Variants in LBHD1 observed in about 807,000 individuals in gnomAD.
The protein encoded by LBHD1 is LBH domain-containing protein 1.
LBHD1 carries 28 observed loss-of-function variants against 31.1 expected under a neutral mutation model. The ratio of observed to expected loss-of-function variants is 0.90; its 90% CI spans 0.67 to 1.24. LBHD1 has a LOEUF of 1.24. Ranked by LOEUF, LBHD1 falls within the 50% of genes most tolerant of loss-of-function variation. The pLI is 0.00. For missense variants in LBHD1, 350 were observed against 323.0 expected (o/e 1.08, Z -0.64); for synonymous variants, 105 against 116.5 (o/e 0.90, Z 0.63).
At chr11:62,666,973 C>G in intron 4 of LBHD1, 1 of 1,614,154 alleles carries the variant, frequency 6.2e-7, no homozygotes, top group Non-Finnish European at 8.5e-7. Context: ...GGTCCTATGG[C>G]TGGACTGTGA....
intron 4 of LBHD1, 28 bp from the exon 5 acceptor site, chr11:62,665,001 T>G (rs372817742): frequency 1.4e-5 from 23 of 1,605,760 alleles, no homozygotes; most frequent in Non-Finnish European, 1.9e-5. Context: ...GCGAATCAGA[T>G]GGAGTGGGCT....
In LBHD1 at chr11:62,666,517, C is replaced by G. The variant is rs1944817555; in HGVS notation, c.538+1006G>C. 1.9e-6 allele frequency: 3 copies of G among 1,614,032 alleles called. No individual in the cohort carries two copies. The South Asian group carries it at 3.3e-5, about 18-fold the overall frequency. On this transcript the variant is annotated intron_variant, in intron 4 of 6. Coordinates refer to ENST00000354588, the MANE Select transcript of LBHD1 (RefSeq NM_024099.5). ...TTGGATACGACGAAGTCCAGGGGCT[C>G]CTACTGCCATTGCTGCAGGAGGCAC...
chr11:62,666,552 GTCC>G, intron 4 of LBHD1: 1 of 1,614,190 alleles, frequency 6.2e-7, no homozygotes, highest in Non-Finnish European at 8.5e-7. Context: ...CAGGCTGCCA[GTCC>G]TCTGCGAGTG....
chr11:62,665,993 G>A (rs759592827), intron 4 of LBHD1: 2 of 1,580,842 alleles, frequency 1.3e-6, no homozygotes, highest in Admixed American at 1.7e-5. Context: ...GGGGCAGAGT[G>A]GGGAGGGTAA....
chr11:62,665,158 CG>C (rs1484864454), intron 4 of LBHD1, 185 bp from the exon 5 acceptor site: 5 of 920,504 alleles, frequency 5.4e-6, no homozygotes, highest in Non-Finnish European at 8.6e-6. Context: ...TCTTTCCCCC[CG>C]GAGCTCCCAT....
chr11:62,664,488 G>A (rs915049948), intron 5 of LBHD1, among the ~76,000 whole-genome samples: 1 of 151,780 alleles, frequency 6.6e-6, no homozygotes, highest in Non-Finnish European at 1.5e-5. Flanking sequence ...CGGCCACAAC[G>A]CCTGGCTAAT....
Position 62,669,950 on chromosome 11 carries a change from G to C in LBHD1, c.82C>G (p.Pro28Ala). Residue 28 changes from proline (P) to alanine (A), a missense_variant, in exon 2 of 7, where the codon CCC becomes GCC. Transcript: ENST00000354588. ...SPGSSQHPES[P>A]RLPNPLWDRG... ...TCCCAGAGAGGGTTGGGCAGCCTGG[G>C]ACTTTCTGGATGCTGGGAGGAGCCT... 1 of 1,614,150 alleles carries C rather than the reference G, an allele frequency of 6.2e-7. No homozygotes were observed. The highest frequency in any genetic ancestry group is 8.5e-7 in the Non-Finnish European group (1 of 1,180,044).
At chr11:62,666,587 TC>T in intron 4 of LBHD1, 1 of 1,614,124 alleles carries the variant, frequency 6.2e-7, no homozygotes, top group Non-Finnish European at 8.5e-7. Context: ...CTGTGGGACT[TC>T]CAGCCTATGT....
intron 1 of LBHD1, 31 bp downstream of exon 1, chr11:62,671,532 CT>C: frequency 7.1e-7 from 1 of 1,413,468 alleles, no homozygotes; most frequent in Non-Finnish European, 9.2e-7. Context: ...GGTGCCAGCA[CT>C]TCTTGGACAC....
chr11:62,664,770 G>A, intron 5 of LBHD1, 79 bp downstream of exon 5: 1 of 1,515,742 alleles, frequency 6.6e-7, no homozygotes, highest in Non-Finnish European at 8.9e-7. Context: ...GAGCTGAGAG[G>A]TGAAGCTGCT....
At position 62,664,902 on chromosome 11, in the gene LBHD1, G is replaced by A. The variant is rs1209800717; in HGVS notation, c.610C>T (p.Arg204Trp). The A allele has an allele frequency of 6.3e-7, 1 of 1,596,330 alleles. No homozygotes were observed. The highest frequency in any genetic ancestry group is 1.3e-5 in the African/African-American group (1 of 74,700). Residue 204 changes from arginine to tryptophan, a missense_variant, in exon 5 of 7, where the codon CGG becomes TGG. Coordinates refer to ENST00000354588, the MANE Select transcript of LBHD1 (RefSeq NM_024099.5). ...SGAASEAPGGRGCDRPRADHA... is the reference protein window; with the variant it reads ...SGAASEAPGGWGCDRPRADHA... The stretch of plus-strand genomic sequence containing the variant: ...TCAGCCCTTGGTCTATCACAGCCCC[G>A]ACCACCCGGTGCCTCAGACGCCGCT...
At position 62,663,025 on chromosome 11, in the gene LBHD1, T is replaced by C. The variant is rs562760434; in HGVS notation, c.*104A>G. The C allele has an allele frequency of 6.1e-5, 93 of 1,524,622 alleles. No homozygotes were observed. In the South Asian group the frequency reaches 7.0e-4, roughly 11 times the overall value. 94.4% of individuals were successfully genotyped at this position (1,524,622 alleles called of 1,614,324 possible). ...CACTGAGTCTGAAGGCTGGCTCCAG[T>C]TGAGAATCTTCTAGTGGAAGAGGTT... On this transcript the variant is annotated 3_prime_UTR_variant, in exon 7 of 7. Coordinates refer to ENST00000354588, the MANE Select transcript of LBHD1 (RefSeq NM_024099.5).
rs1048379486 is a variant in LBHD1, at chr11:62,671,579, T to G, written c.-26A>C. 6 of 1,457,508 alleles carry G rather than the reference T, an allele frequency of 4.1e-6. No individual in the cohort carries two copies. Among genetic ancestry groups the G allele is most frequent in the Non-Finnish European group, 5.4e-6 (6 of 1,111,316 alleles). The allele number at this position is 1,457,508 out of a possible 1,614,324, so 90.3% of individuals were successfully genotyped here. A position where few individuals can be genotyped will look rare whatever the true frequency, so the allele number is the denominator to read the frequency against. ...TCAGCTAAACCTGAGATCCAAGCGCTCCGGATTCCAAACGTTTCCTCGAGC... is the reference window on the plus strand; with the variant it reads ...TCAGCTAAACCTGAGATCCAAGCGCGCCGGATTCCAAACGTTTCCTCGAGC... On this transcript the variant is annotated 5_prime_UTR_variant, in exon 1 of 7. Coordinates refer to ENST00000354588, the MANE Select transcript of LBHD1 (RefSeq NM_024099.5).
chr11:62,663,591 G>A (rs1055341881), intron 5 of LBHD1, among the ~76,000 whole-genome samples: 2 of 151,882 alleles, frequency 1.3e-5, no homozygotes, highest in East Asian at 1.9e-4. Flanking sequence ...CTACTCGGGA[G>A]GCTGCGGCAG....
chr11:62,666,109 A>G lies in LBHD1; in HGVS notation c.539-1136T>C, dbSNP rs1944802545. ...ACGGCTGTAATGCTAACACTTTGCC[A>G]GGCCGAGGCGGGCAGATCGCTTGGC... On this transcript the variant is annotated intron_variant, in intron 4 of 6. Coordinates refer to ENST00000354588, the MANE Select transcript of LBHD1 (RefSeq NM_024099.5). 4 of 882,368 alleles carry G rather than the reference A, an allele frequency of 4.5e-6. No individual in the cohort carries two copies. In the Admixed American group the frequency reaches 8.1e-5, roughly 18 times the overall value. 54.7% of individuals were successfully genotyped at this position (882,368 alleles called of 1,614,324 possible). A position where few individuals can be genotyped will look rare whatever the true frequency, so the allele number is the denominator to read the frequency against.
At position 62,672,221 on chromosome 11, in the gene LBHD1, C is replaced by T; in HGVS notation, c.-668G>A. 1 of 1,171,658 alleles carries T rather than the reference C, an allele frequency of 8.5e-7. No homozygotes were observed. The highest frequency in any genetic ancestry group is 1.2e-6 in the Non-Finnish European group (1 of 837,806). The allele number at this position is 1,171,658 out of a possible 1,614,324, so 72.6% of individuals were successfully genotyped here. ...GGAGAGTCCGGACCGAGATACCATG[C>T]CAGGACTCTCCGGGGTCCTGTGAGC... On this transcript the variant is annotated 5_prime_UTR_variant, in exon 1 of 7. Coordinates refer to ENST00000354588, the MANE Select transcript of LBHD1 (RefSeq NM_024099.5).
Position 62,672,144 on chromosome 11 carries a change from C to T in LBHD1, c.-591G>A. On this transcript the variant is annotated 5_prime_UTR_variant, in exon 1 of 7. Coordinates refer to ENST00000354588, the MANE Select transcript of LBHD1 (RefSeq NM_024099.5). ...GGACTTGCCTCCGTGGGCGCCGGACCTTGGCTTGGGCGCAGGAATCCGAGG... is the reference window on the plus strand; with the variant it reads ...GGACTTGCCTCCGTGGGCGCCGGACTTTGGCTTGGGCGCAGGAATCCGAGG... 2 of 1,546,460 alleles carry T rather than the reference C, an allele frequency of 1.3e-6. No homozygotes were observed. Among genetic ancestry groups the T allele is most frequent in the Non-Finnish European group, 1.7e-6 (2 of 1,147,928 alleles).
chr11:62,666,995 C>G (rs1443094836), intron 4 of LBHD1: 1 of 1,613,416 alleles, frequency 6.2e-7, no homozygotes, highest in South Asian at 1.1e-5. Context: ...TGTGCAGGAG[C>G]TAGGCCCGTT....
In LBHD1 at chr11:62,663,178, G is replaced by A. The variant is rs772396802; in HGVS notation, c.762-19C>T. 8 of 1,613,730 alleles carry A rather than the reference G, an allele frequency of 5.0e-6. No homozygotes were observed. Among genetic ancestry groups the A allele is most frequent in the Admixed American group, 1.7e-5 (1 of 59,988 alleles). On this transcript the variant is annotated intron_variant, in intron 6 of 6. Transcript: ENST00000354588. ...GCTTCCACTGAGTAAAGGGAAGAAG[G>A]AAGTATTATCCCAAATAAATCCAGG...
Sources: gnomAD v4.1 joint callset for allele counts (sites outside exome capture counted in the v4.1 genomes callset) on GRCh38, gnomAD v4.1.1 for gene constraint, MANE v1.5 for transcripts, NCBI Gene and HGNC (gene_info 2026-07-23, HGNC 2026-07-21) for gene names.